Variants in SBF2 observed in about 807,000 individuals in gnomAD.
The protein encoded by SBF2 is SET binding factor 2, also known as myotubularin-related protein 13.
A neutral mutation model predicts 225.2 loss-of-function variants in SBF2; 112 were observed. The ratio of observed to expected loss-of-function variants is 0.50; its 90% CI spans 0.43 to 0.58. SBF2 has a LOEUF of 0.58. SBF2 is among the 20% of genes least tolerant of loss of function. The pLI, the probability that SBF2 is intolerant of heterozygous loss-of-function variation, is 0.00. For synonymous variants in SBF2, 763 were observed against 773.3 expected (o/e 0.99, Z 0.22); for missense variants, 1,996 against 2,206.2 (o/e 0.90, Z 1.91).
intron 17 of SBF2, among the ~76,000 whole-genome samples, chr11:9,877,490 G>A (rs895503290): frequency 2.0e-5 from 3 of 152,132 alleles, no homozygotes; most frequent in Non-Finnish European, 4.4e-5. Context: ...TTGGTTTGCT[G>A]CACCCATCAA....
Position 10,294,065 on chromosome 11 carries a change from G to A in SBF2, c.5C>T (p.Ala2Val). M[A>V]RLADYFIVVG... ...CACGATGAAGTAGTCAGCCAGCCGG[G>A]CCATGGCCGCCGCCGCCGCGCTCGG... The change falls in exon 1 of 40, where the codon GCC becomes GTC. Residue 2 changes from alanine (A) to valine (V), a missense_variant. Ala to Val is a moderately conservative substitution (Grantham distance 64). Coordinates refer to ENST00000256190, the MANE Select transcript of SBF2 (RefSeq NM_030962.4). 1 of 1,379,284 alleles carries A rather than the reference G, an allele frequency of 7.3e-7. No individual in the cohort carries two copies. 85.4% of individuals were successfully genotyped at this position (1,379,284 alleles called of 1,614,324 possible).
intron 1 of SBF2, among the ~76,000 whole-genome samples, chr11:10,228,838 A>T (rs1958693731): frequency 6.6e-6 from 1 of 152,094 alleles, no homozygotes. Flanking sequence ...TCATAAAATG[A>T]GTTAGGGAGG....
upstream of SBF2, among the ~76,000 whole-genome samples, chr11:10,298,049 AAC>A (rs1229081867): frequency 2.0e-5 from 3 of 152,266 alleles, no homozygotes; most frequent in Non-Finnish European, 4.4e-5. Context: ...AAGGGTATGT[AAC>A]ACTATCATGA....
chr11:10,196,868 T>A (rs867714210), intron 1 of SBF2, among the ~76,000 whole-genome samples: 21 of 100,182 alleles, frequency 2.1e-4, no homozygotes, highest in African/African-American at 6.2e-4. Flanking sequence ...ATATATATAT[T>A]TTTTTTTTCC....
chr11:10,026,471 C>T (rs568944204), intron 6 of SBF2, among the ~76,000 whole-genome samples: 2 of 152,280 alleles, frequency 1.3e-5, no homozygotes, highest in African/African-American at 4.8e-5. Flanking sequence ...TGGCTCATGC[C>T]TATAATCCCA....
intron 22 of SBF2, 60 bp downstream of exon 22, chr11:9,849,963 G>T: frequency 6.9e-7 from 1 of 1,448,786 alleles, no homozygotes; most frequent in Non-Finnish European, 9.7e-7. Flanking sequence ...GTGCACAGAT[G>T]GGATCGAGAC....
At chr11:10,075,523 G>A (rs370893564) in intron 2 of SBF2, among the ~76,000 whole-genome samples, 7 of 152,146 alleles carry the variant, frequency 4.6e-5, no homozygotes, top group Admixed American at 6.5e-5. Context: ...TTGGATCATC[G>A]GGGCAGATTT....
Position 9,992,543 on chromosome 11 carries a change from T to C in SBF2, c.1168A>G (p.Thr390Ala), listed in dbSNP as rs1947484086. The change falls in exon 12 of 40, where the codon ACA (threonine) becomes GCA (alanine). Residue 390 changes from threonine to alanine, a missense_variant and splice_region_variant. Coordinates refer to ENST00000256190, the MANE Select transcript of SBF2 (RefSeq NM_030962.4). ...AAACCACGCTGCCCCAAGAATGCTG[T>C]CTGTGAAAAAAGAAAATGTGAAATA... The part of the protein sequence containing the change: ...HAEPVIHFHK[T>A]AFLGQRGLVE... The C allele has an allele frequency of 6.2e-7, 1 of 1,609,920 alleles. No homozygotes were observed. The highest frequency in any genetic ancestry group is 8.5e-7 in the Non-Finnish European group (1 of 1,178,310).
chr11:10,121,236 T>C, intron 2 of SBF2, among the ~76,000 whole-genome samples: 1 of 152,170 alleles, frequency 6.6e-6, no homozygotes, highest in South Asian at 2.1e-4. Flanking sequence ...AATGCATAGA[T>C]AGGTAATGGT....
At chr11:10,137,948 C>T (rs1003676902) in intron 2 of SBF2, among the ~76,000 whole-genome samples, 26 of 151,874 alleles carry the variant, frequency 1.7e-4, no homozygotes, top group Non-Finnish European at 2.2e-4. Flanking sequence ...TGCAGTGAGC[C>T]GAGATTGTGC....
At chr11:10,147,085 TG>T (rs1234470629) in intron 2 of SBF2, among the ~76,000 whole-genome samples, 1 of 149,952 alleles carries the variant, frequency 6.7e-6, no homozygotes, top group Non-Finnish European at 1.5e-5. Flanking sequence ...CTGACAAGGT[TG>T]TGGAGAAAAG....
At chr11:10,299,788 C>G (rs1220410508) in intron 1 of SBF2, among the ~76,000 whole-genome samples, 1 of 152,218 alleles carries the variant, frequency 6.6e-6, no homozygotes, top group African/African-American at 2.4e-5. Flanking sequence ...CACCGTGCTG[C>G]TTCCTTTCTT....
At chr11:9,908,561 A>T (rs1171110952) in intron 16 of SBF2, among the ~76,000 whole-genome samples, 2 of 152,186 alleles carry the variant, frequency 1.3e-5, no homozygotes, top group Non-Finnish European at 2.9e-5. Context: ...CGGGAGGCGG[A>T]GCTTGCAGTG....
intron 19 of SBF2, among the ~76,000 whole-genome samples, chr11:9,853,944 T>G (rs1271673151): frequency 6.6e-6 from 1 of 152,166 alleles, no homozygotes; most frequent in African/African-American, 2.4e-5. Context: ...GGAAATTTGT[T>G]TGGACCCAGA....
intron 17 of SBF2, among the ~76,000 whole-genome samples, chr11:9,892,887 C>G (rs957632585): frequency 1.2e-4 from 18 of 152,046 alleles, no homozygotes; most frequent in African/African-American, 3.9e-4. Flanking sequence ...AAGATAATGT[C>G]CATCTGGTTG....
intron 2 of SBF2, among the ~76,000 whole-genome samples, chr11:10,117,402 T>C (rs958921262): frequency 2.8e-5 from 4 of 145,106 alleles, no homozygotes; most frequent in African/African-American, 7.7e-5. Context: ...GATGGCACCA[T>C]TGCACTCCAG....
At chr11:10,159,698 C>G (rs532283944) in intron 2 of SBF2, among the ~76,000 whole-genome samples, 1 of 152,172 alleles carries the variant, frequency 6.6e-6, no homozygotes, top group Non-Finnish European at 1.5e-5. Context: ...GTCAGGAGAT[C>G]GAGACCACAG....
chr11:9,989,675 G>A (rs1947343918), intron 12 of SBF2, 80 bp from the exon 13 acceptor site: 3 of 894,004 alleles, frequency 3.4e-6, no homozygotes, highest in African/African-American at 3.4e-5. Flanking sequence ...CATACAATTT[G>A]CAAGCCAAAA....
chr11:9,967,299 G>A (rs1192427697), intron 14 of SBF2, among the ~76,000 whole-genome samples: 1 of 151,884 alleles, frequency 6.6e-6, no homozygotes, highest in Non-Finnish European at 1.5e-5. Context: ...GTGAGCCCGG[G>A]AGGCGGAGCT....
Sources: gnomAD v4.1 joint callset for allele counts (sites outside exome capture counted in the v4.1 genomes callset) on GRCh38, gnomAD v4.1.1 for gene constraint, MANE v1.5 for transcripts, NCBI Gene and HGNC (gene_info 2026-07-23, HGNC 2026-07-21) for gene names.